The following STAG1 variants were observed in gnomAD, a reference collection of about 807,000 sequenced individuals.
The protein encoded by STAG1 is cohesin subunit SA-1.
STAG1 carries 26 observed loss-of-function variants against 170.9 expected under a neutral mutation model. The ratio of observed to expected loss-of-function variants is 0.15; its 90% CI spans 0.11 to 0.21. STAG1 has a LOEUF of 0.21. Ranked by LOEUF, STAG1 falls within the 10% of genes least tolerant of loss-of-function variation. The probability of loss-of-function intolerance (pLI) is 1.00; values close to 1 mark genes in which losing one functional copy is unlikely to be tolerated. For synonymous variants in STAG1, 514 were observed against 497.7 expected, an observed-to-expected ratio of 1.03 and a Z score of -0.44; for missense variants, 964 against 1,509.5, an observed-to-expected ratio of 0.64 and a Z score of 5.99.
At chr3:136,493,194 T>C (rs551784170) in intron 9 of STAG1, among the ~76,000 whole-genome samples, 1 of 151,884 alleles carries the variant, frequency 6.6e-6, no homozygotes, top group African/African-American at 2.4e-5. Context: ...ATACAAAAAA[T>C]TAACCAGGTA....
At chr3:136,478,647 C>G (rs2089827011) in intron 9 of STAG1, among the ~76,000 whole-genome samples, 1 of 152,092 alleles carries the variant, frequency 6.6e-6, no homozygotes, top group Non-Finnish European at 1.5e-5. Flanking sequence ...TCTTTGGTGA[C>G]AAAATTCCTT....
chr3:136,435,893 C>T (rs2088446488), intron 15 of STAG1, among the ~76,000 whole-genome samples: 1 of 152,050 alleles, frequency 6.6e-6, no homozygotes, highest in Non-Finnish European at 1.5e-5. Flanking sequence ...TGGTCTTGAA[C>T]CCCTGACCTC....
chr3:136,670,040 G>C (rs1263255162), intron 1 of STAG1, among the ~76,000 whole-genome samples: 1 of 152,160 alleles, frequency 6.6e-6, no homozygotes, highest in Non-Finnish European at 1.5e-5. Flanking sequence ...TGGCACAGTG[G>C]CTCACACCTG....
chr3:136,472,765 G>A (rs2089658299), intron 11 of STAG1, among the ~76,000 whole-genome samples: 1 of 152,154 alleles, frequency 6.6e-6, no homozygotes, highest in Admixed American at 6.5e-5. Flanking sequence ...ATAACAAGCT[G>A]TAAAGAAAAT....
chr3:136,644,428 C>T (rs1459768902), intron 1 of STAG1, among the ~76,000 whole-genome samples: 3 of 152,130 alleles, frequency 2.0e-5, no homozygotes, highest in East Asian at 1.9e-4. Flanking sequence ...TAAATATACT[C>T]CAGGGATGCC....
intron 1 of STAG1, among the ~76,000 whole-genome samples, chr3:136,684,679 G>C (rs1942450987): frequency 6.6e-6 from 1 of 151,604 alleles, no homozygotes; most frequent in Non-Finnish European, 1.5e-5. Flanking sequence ...GGGAGATTGA[G>C]GTGGGAGAAT....
intron 1 of STAG1, among the ~76,000 whole-genome samples, chr3:136,710,574 C>T (rs370278682): frequency 9.9e-5 from 15 of 152,238 alleles, no homozygotes; most frequent in African/African-American, 2.4e-4. Flanking sequence ...AACAAGATTG[C>T]AATGTGCATA....
chr3:136,747,200 G>C (rs1327923505), intron 1 of STAG1, among the ~76,000 whole-genome samples: 2 of 149,656 alleles, frequency 1.3e-5, no homozygotes, highest in Non-Finnish European at 3.0e-5. Context: ...TTGAACCTGG[G>C]AAGCGAAGGT....
intron 1 of STAG1, among the ~76,000 whole-genome samples, chr3:136,716,128 A>C (rs1943535155): frequency 6.7e-6 from 1 of 149,462 alleles, no homozygotes; most frequent in Non-Finnish European, 1.5e-5. Context: ...AAAAACATAA[A>C]TTGAATTTTC....
chr3:136,404,260 A>G (rs941689709), intron 21 of STAG1, among the ~76,000 whole-genome samples: 5 of 152,220 alleles, frequency 3.3e-5, no homozygotes, highest in African/African-American at 1.2e-4. Flanking sequence ...ATCAAATGAC[A>G]GCAAGTCATT....
chr3:136,733,246 G>A (rs1934145295), intron 1 of STAG1, among the ~76,000 whole-genome samples: 1 of 151,824 alleles, frequency 6.6e-6, no homozygotes, highest in African/African-American at 2.4e-5. Flanking sequence ...CACCATGCCT[G>A]GCTAATTTTT....
At chr3:136,673,716 G>C (rs941532182) in intron 1 of STAG1, among the ~76,000 whole-genome samples, 3 of 152,096 alleles carry the variant, frequency 2.0e-5, no homozygotes, top group Non-Finnish European at 2.9e-5. Flanking sequence ...CAACTTTGCT[G>C]TCTCTATGCA....
intron 21 of STAG1, among the ~76,000 whole-genome samples, chr3:136,413,725 T>C (rs182206831): frequency 1.3e-5 from 2 of 152,322 alleles, no homozygotes; most frequent in Admixed American, 6.5e-5. Context: ...CCCAAAATGC[T>C]TGGATTACAG....
At chr3:136,364,370 A>T (rs1019407885) in intron 25 of STAG1, among the ~76,000 whole-genome samples, 1 of 152,238 alleles carries the variant, frequency 6.6e-6, no homozygotes, top group African/African-American at 2.4e-5. Flanking sequence ...GGCGTGAGCC[A>T]CTGTGCCTGG....
chr3:136,546,648 G>C (rs1335564177), intron 5 of STAG1, among the ~76,000 whole-genome samples: 1 of 152,154 alleles, frequency 6.6e-6, no homozygotes, highest in Non-Finnish European at 1.5e-5. Flanking sequence ...GAGGCCATGA[G>C]TGAAATAATC....
chr3:136,590,283 G>C (rs1576640223), intron 4 of STAG1, among the ~76,000 whole-genome samples: 1 of 151,972 alleles, frequency 6.6e-6, no homozygotes, highest in Non-Finnish European at 1.5e-5. Flanking sequence ...AGGAGTTCGA[G>C]ACCAGTCTGG....
chr3:136,655,626 G>A (rs1941345172), intron 1 of STAG1, among the ~76,000 whole-genome samples: 1 of 152,196 alleles, frequency 6.6e-6, no homozygotes. Context: ...AGCCAGACAT[G>A]GCGGCGCATG....
chr3:136,383,915 A>G (rs1249679166), intron 22 of STAG1, among the ~76,000 whole-genome samples: 6 of 147,928 alleles, frequency 4.1e-5, no homozygotes, highest in Non-Finnish European at 1.5e-5. Context: ...AGATCGCACC[A>G]CTGCACTCCA....
chr3:136,559,830 T>TA (rs1352258106), intron 5 of STAG1, among the ~76,000 whole-genome samples: 1 of 152,204 alleles, frequency 6.6e-6, no homozygotes, highest in Non-Finnish European at 1.5e-5. Context: ...GAAATGAAGA[T>TA]AATTTCAAAA....
Sources: allele counts gnomAD v4.1 joint callset (sites outside exome capture counted in the v4.1 genomes callset), GRCh38; gene constraint gnomAD v4.1.1; transcripts MANE v1.5; gene names NCBI Gene and HGNC (gene_info 2026-07-23, HGNC 2026-07-21).